The following GJD2 variants were observed in gnomAD, a reference collection of about 807,000 sequenced individuals.
The protein encoded by GJD2 is gap junction protein delta 2.
GJD2 carries 12 observed loss-of-function variants against 24.3 expected under a neutral mutation model. The ratio of observed to expected loss-of-function variants is 0.49; its 90% CI spans 0.32 to 0.80. The LOEUF (loss-of-function observed/expected upper bound fraction) is 0.80. Ranked by LOEUF, GJD2 falls within the 30% of genes least tolerant of loss-of-function variation. GJD2 has a pLI of 0.04. For missense variants in GJD2, 268 were observed against 402.4 expected (o/e 0.67, Z 2.86); for synonymous variants, 171 against 155.2 (o/e 1.10, Z -0.76).
chr15:34,752,162 C>A lies in GJD2; in HGVS notation c.*316G>T. 2.9e-6 allele frequency: 1 copy of A among 347,424 alleles called. No homozygotes were observed. Among genetic ancestry groups the A allele is most frequent in the East Asian group, 5.5e-5 (1 of 18,312 alleles). 21.5% of individuals were successfully genotyped at this position (347,424 alleles called of 1,614,324 possible). ...CACCAGAATAAAGAGCTCAGCAGGG[C>A]TAAGTCCTACTTGGTAGCTGTGCAA... is the stretch of plus-strand genomic sequence containing the variant. On this transcript the variant is annotated 3_prime_UTR_variant, in exon 2 of 2. Transcript: ENST00000290374.
chr15:34,754,401 C>T lies in GJD2; in HGVS notation c.71+17G>A. The T allele has an allele frequency of 6.2e-7, 1 of 1,610,364 alleles. No homozygotes were observed. Among genetic ancestry groups the T allele is most frequent in the Non-Finnish European group, 8.5e-7 (1 of 1,176,992 alleles). On this transcript the variant is annotated intron_variant, in intron 1 of 1. Transcript: ENST00000290374. This position sits in a 1 kb window ranked among gnomAD's most constrained non-coding sequence, Gnocchi z 5.9. ...CCGCCCGACGGGGCCCCCTGACCGC[C>T]GGCTTGGCGCCCTTACCTCCCGATC... is the stretch of plus-strand genomic sequence containing the variant.
chr15:34,754,547 C>G lies in GJD2; in HGVS notation c.-59G>C. 1 of 1,382,968 alleles carries G rather than the reference C, an allele frequency of 7.2e-7. No individual in the cohort carries two copies. Among genetic ancestry groups the G allele is most frequent in the Non-Finnish European group, 1.0e-6 (1 of 970,484 alleles). 85.7% of individuals were successfully genotyped at this position (1,382,968 alleles called of 1,614,324 possible). On this transcript the variant is annotated 5_prime_UTR_variant, in exon 1 of 2. Coordinates refer to ENST00000290374, the MANE Select transcript of GJD2 (RefSeq NM_020660.3). This position sits in a 1 kb window ranked among gnomAD's most constrained non-coding sequence, Gnocchi z 5.9. ...GGCAGCACCGGGCACGTTCCCGCTC[C>G]TGGCCCCTCCCCGGGCCGCACTTCC...
In GJD2 at chr15:34,751,432, C is replaced by G. The variant is rs1449251796; in HGVS notation, c.*1046G>C. The stretch of plus-strand genomic sequence containing the variant: ...AAGAGTAACTGAAAAAATAATAAAT[C>G]AGGATTGACATGGGATGATTAAGGT... On this transcript the variant is annotated 3_prime_UTR_variant, in exon 2 of 2. Coordinates refer to ENST00000290374, the MANE Select transcript of GJD2 (RefSeq NM_020660.3). 2 of 152,022 alleles carry G rather than the reference C, an allele frequency of 1.3e-5. No individual in the cohort carries two copies. Among genetic ancestry groups the G allele is most frequent in the Non-Finnish European group, 2.9e-5 (2 of 67,990 alleles). 9.4% of individuals were successfully genotyped at this position (152,022 alleles called of 1,614,324 possible).
rs1891152450 is a variant in GJD2 at position 34,754,213 on chromosome 15, T to G, written c.71+205A>C. On this transcript the variant is annotated intron_variant, in intron 1 of 1. Transcript: ENST00000290374. The surrounding 1 kb of genome is among the most constrained non-coding windows in gnomAD (Gnocchi z 5.9). ...GCTTGATGGGGAAGGGATGGGCAGC[T>G]GGTTAGGAGTAGCTAGAGGAGGGGG... 6.6e-6 allele frequency among the ~76,000 whole-genome samples: 1 copy of G among 152,048 alleles called. No individual in the cohort carries two copies. Among genetic ancestry groups the G allele is most frequent in the Non-Finnish European group, 1.5e-5 (1 of 67,998 alleles).
chr15:34,752,013 G>T lies in GJD2; in HGVS notation c.*465C>A, dbSNP rs1002369340. 14 of 146,660 alleles carry T rather than the reference G, an allele frequency of 9.5e-5. No individual in the cohort carries two copies. Among genetic ancestry groups the T allele is most frequent in the South Asian group, 6.6e-4 (3 of 4,538 alleles). 9.1% of individuals were successfully genotyped at this position (146,660 alleles called of 1,614,324 possible). ...TGCTATTTTGGATTGAGGGAAAGGG[G>T]CATGCTGGTGGGGGAGATACATGAA... On this transcript the variant is annotated 3_prime_UTR_variant, in exon 2 of 2. Coordinates refer to ENST00000290374, the MANE Select transcript of GJD2 (RefSeq NM_020660.3).
Position 34,754,738 on chromosome 15 carries a change from C to T in GJD2, c.-250G>A. 2.5e-6 allele frequency: 1 copy of T among 393,028 alleles called. No individual in the cohort carries two copies. Among genetic ancestry groups the T allele is most frequent in the Non-Finnish European group, 4.6e-6 (1 of 217,136 alleles). The allele number at this position is 393,028 out of a possible 1,614,324, so 24.3% of individuals were successfully genotyped here. A position where few individuals can be genotyped will look rare whatever the true frequency, so the allele number is the denominator to read the frequency against. On this transcript the variant is annotated 5_prime_UTR_variant, in exon 1 of 2. Transcript: ENST00000290374. This position sits in a 1 kb window ranked among gnomAD's most constrained non-coding sequence, Gnocchi z 5.9. ...CGGTCTAGAGAGAGGGCACGAACCTCGGGCGCCGTCCGGGGTTCGGGTCTG... is the reference window on the plus strand; with the variant it reads ...CGGTCTAGAGAGAGGGCACGAACCTTGGGCGCCGTCCGGGGTTCGGGTCTG...
In GJD2 at chr15:34,753,030, G is replaced by A. The variant is rs1042185710; in HGVS notation, c.414C>T (p.Gly138=). ...GGTGGGGSGG[G]KREDKKLQNA... ...TTTGCAACTTCTTATCTTCTCGTTT[G>A]CCCCCACCACTGCCCCCACCCCCAG... The change falls in exon 2 of 2, where the codon GGC becomes GGT. Residue 138 remains glycine, a synonymous_variant. Transcript: ENST00000290374. The A allele has an allele frequency of 6.2e-7, 1 of 1,613,890 alleles. No individual in the cohort carries two copies. Among genetic ancestry groups the A allele is most frequent in the Non-Finnish European group, 8.5e-7 (1 of 1,179,904 alleles).
At chr15:34,753,431 C>T in intron 1 of GJD2, 59 bp from the exon 2 acceptor site, 1 of 1,459,872 alleles carries the variant, frequency 6.8e-7, no homozygotes, top group South Asian at 1.3e-5. Flanking sequence ...TGACAGGAAA[C>T]CCCTGCTCCT....
In GJD2 at chr15:34,752,522, G is replaced by C. The variant is rs770815406; in HGVS notation, c.922C>G (p.Pro308Ala). 10 of 1,614,134 alleles carry C rather than the reference G, an allele frequency of 6.2e-6. No homozygotes were observed. The highest frequency in any genetic ancestry group is 1.7e-5 in the Admixed American group (1 of 60,018). The change falls in exon 2 of 2, where the codon CCC becomes GCC. Residue 308 changes from proline to alanine, a missense_variant. Around this residue, in one of 3 missense-constraint regions of GJD2, gnomAD observed 115 missense variants for 195.2 expected, o/e 0.59. Coordinates refer to ENST00000290374, the MANE Select transcript of GJD2 (RefSeq NM_020660.3). ...CTGGACTGAGTCCTGCCAAAATTGG[G>C]AACACTGACCCTTGGCAGGTCCTTG... ...RNKDLPRVSV[P>A]NFGRTQSSDS...
rs1891158435 is a variant in GJD2, at chr15:34,754,658, G to A, written c.-170C>T. 1 of 613,588 alleles carries A rather than the reference G, an allele frequency of 1.6e-6. No individual in the cohort carries two copies. The highest frequency in any genetic ancestry group is 2.0e-5 in the South Asian group (1 of 50,296). 38.0% of individuals were successfully genotyped at this position (613,588 alleles called of 1,614,324 possible). ...CCCTTTCCTTTTATTGTACTTAAAA[G>A]AGAAGAAATGGGGAAAGAAATCCAA... On this transcript the variant is annotated 5_prime_UTR_variant, in exon 1 of 2. Transcript: ENST00000290374. The surrounding 1 kb of genome is among the most constrained non-coding windows in gnomAD (Gnocchi z 5.9).
In GJD2 at chr15:34,754,637, T is replaced by C; in HGVS notation, c.-149A>G. The C allele has an allele frequency of 1.5e-6, 1 of 650,044 alleles. No homozygotes were observed. The highest frequency in any genetic ancestry group is 2.8e-6 in the Non-Finnish European group (1 of 353,758). The allele number at this position is 650,044 out of a possible 1,614,324, so 40.3% of individuals were successfully genotyped here. A position where few individuals can be genotyped will look rare whatever the true frequency, so the allele number is the denominator to read the frequency against. On this transcript the variant is annotated 5_prime_UTR_variant, in exon 1 of 2. Coordinates refer to ENST00000290374, the MANE Select transcript of GJD2 (RefSeq NM_020660.3). This position sits in a 1 kb window ranked among gnomAD's most constrained non-coding sequence, Gnocchi z 5.9. ...TTTTAAAAAATCCTCGAATCCCCCT[T>C]TCCTTTTATTGTACTTAAAAGAGAA...
Position 34,752,712 on chromosome 15 carries a change from C to A in GJD2, c.732G>T (p.Val244=), listed in dbSNP as rs776904788. 1.9e-6 allele frequency: 3 copies of A among 1,614,160 alleles called. No individual in the cohort carries two copies. The highest frequency in any genetic ancestry group is 2.5e-6 in the Non-Finnish European group (3 of 1,180,010). The change falls in exon 2 of 2, where the codon GTG becomes GTT. Residue 244 remains valine (V), a synonymous_variant. Coordinates refer to ENST00000290374, the MANE Select transcript of GJD2 (RefSeq NM_020660.3). ...YPCIKEVECY[V]SRPTEKTVFL... is the part of the protein sequence containing the mutation. ...AGACAGTCTTCTCAGTTGGCCGGGA[C>A]ACATAACATTCCACCTCCTTGATGC...
In GJD2 at chr15:34,753,379, G is replaced by C; in HGVS notation, c.72-7C>G. On this transcript the variant is annotated splice_region_variant and splice_polypyrimidine_tract_variant and intron_variant, in intron 1 of 1. Transcript: ENST00000290374. ...CACCACAGTCAACAGGATCCTGAAC[G>C]GAGGAAGAGGGAGGGAGAGAGGTTC... 6.3e-7 allele frequency: 1 copy of C among 1,581,296 alleles called. No individual in the cohort carries two copies. The highest frequency in any genetic ancestry group is 8.6e-7 in the Non-Finnish European group (1 of 1,165,170).
chr15:34,753,853 T>A (rs1461799967), intron 1 of GJD2, among the ~76,000 whole-genome samples: 1 of 93,022 alleles, frequency 1.1e-5, no homozygotes, highest in South Asian at 5.2e-4. Flanking sequence ...GAATATATAT[T>A]CATATATATT....
rs567090766 is a variant in GJD2, at chr15:34,751,378, T to C, written c.*1100A>G. 1 of 152,332 alleles carries C rather than the reference T, an allele frequency of 6.6e-6. No homozygotes were observed. The highest frequency in any genetic ancestry group is 6.5e-5 in the Admixed American group (1 of 15,294). The allele number at this position is 152,332 out of a possible 1,614,324, so 9.4% of individuals were successfully genotyped here. A position where few individuals can be genotyped will look rare whatever the true frequency, so the allele number is the denominator to read the frequency against. The stretch of plus-strand genomic sequence containing the variant: ...GGTCTTTTAAGCCAGTAATTTTGTA[T>C]GTGTGTCTGTATATGTGTGTGTGTT... On this transcript the variant is annotated 3_prime_UTR_variant, in exon 2 of 2. Coordinates refer to ENST00000290374, the MANE Select transcript of GJD2 (RefSeq NM_020660.3).
chr15:34,753,829 A>G (rs1891146343), intron 1 of GJD2, among the ~76,000 whole-genome samples: 1 of 151,504 alleles, frequency 6.6e-6, no homozygotes, highest in Non-Finnish European at 1.5e-5. Flanking sequence ...TGCTTTATAT[A>G]AGCAGATGGC....
At position 34,754,529 on chromosome 15, in the gene GJD2, C is replaced by A. The variant is rs201039869; in HGVS notation, c.-41G>T. On this transcript the variant is annotated 5_prime_UTR_variant, in exon 1 of 2. Transcript: ENST00000290374. This position sits in a 1 kb window ranked among gnomAD's most constrained non-coding sequence, Gnocchi z 5.9. The stretch of plus-strand genomic sequence containing the variant: ...GGCAGCAGACAAAGACTGGGCAGCA[C>A]CGGGCACGTTCCCGCTCCTGGCCCC... 37 of 1,539,082 alleles carry A rather than the reference C, an allele frequency of 2.4e-5. No individual in the cohort carries two copies. Among genetic ancestry groups the A allele is most frequent in the Non-Finnish European group, 5.4e-6 (6 of 1,111,900 alleles).
chr15:34,754,840 AAG>A lies in GJD2; in HGVS notation c.-354_-353del. 1 of 233,758 alleles carries A rather than the reference AAG, an allele frequency of 4.3e-6. No homozygotes were observed. Among genetic ancestry groups the A allele is most frequent in the Non-Finnish European group, 8.4e-6 (1 of 119,676 alleles). The allele number at this position is 233,758 out of a possible 1,614,324, so 14.5% of individuals were successfully genotyped here. On this transcript the variant is annotated 5_prime_UTR_variant, in exon 1 of 2. Transcript: ENST00000290374. This position sits in a 1 kb window ranked among gnomAD's most constrained non-coding sequence, Gnocchi z 5.9. ...CCTCCAGCGCTCGCCCGCCCAGGAG[AAG>A]TCTCAGCGCCGCTCTCCGCCGCAGG...
At position 34,753,385 on chromosome 15, in the gene GJD2, A is replaced by G. The variant is rs545939957; in HGVS notation, c.72-13T>C. 18 of 1,576,324 alleles carry G rather than the reference A, an allele frequency of 1.1e-5. No homozygotes were observed. The East Asian group carries it at 4.1e-4, about 36-fold the overall frequency. ...AGTCAACAGGATCCTGAACGGAGGA[A>G]GAGGGAGGGAGAGAGGTTCTCACGG... is the stretch of plus-strand genomic sequence containing the variant. On this transcript the variant is annotated splice_polypyrimidine_tract_variant and intron_variant, in intron 1 of 1. Transcript: ENST00000290374.
Sources: allele counts gnomAD v4.1 joint callset (sites outside exome capture counted in the v4.1 genomes callset), GRCh38; gene constraint gnomAD v4.1.1; regional missense constraint gnomAD v4.1.1; non-coding constraint Gnocchi (gnomAD v3.1); transcripts MANE v1.5; gene names NCBI Gene and HGNC (gene_info 2026-07-23, HGNC 2026-07-21).